EXOC1L: variants seen among roughly 807,000 people sequenced by gnomAD.
EXOC1L encodes the protein exocyst complex component 1 like.
EXOC1L carries 10 observed loss-of-function variants against 4.9 expected under a neutral mutation model. The ratio of observed to expected loss-of-function variants is 2.02; its 90% confidence interval spans 1.25 to 3.43. EXOC1L has a LOEUF of 3.43. Ranked by LOEUF, EXOC1L falls within the 30% of genes most tolerant of loss-of-function variation. The pLI is 0.00. For synonymous variants in EXOC1L, 41 were observed against 20.8 expected, an observed-to-expected ratio of 1.97 and a Z score of -2.63; for missense variants, 114 against 59.4, an observed-to-expected ratio of 1.92 and a Z score of -3.02.
rs1170763267 is a variant in EXOC1L at position 55,833,573 on chromosome 4, C to G, written c.252+2109C>G. On this transcript the variant is annotated intron_variant, in intron 2 of 2. Transcript: ENST00000636125. Reference sequence around the variant, plus strand: ...GTTCACTAATCTGTAGTTTCAGGAACTAGCCCCACAAATTAACTATTCCCA... The same window carrying G: ...GTTCACTAATCTGTAGTTTCAGGAAGTAGCCCCACAAATTAACTATTCCCA... Among the ~76,000 whole-genome samples, 4 of 151,872 alleles carry G rather than the reference C, an allele frequency of 2.6e-5. 1 individual carries two copies. The highest frequency in any genetic ancestry group is 2.6e-4 in the Admixed American group (4 of 15,220).
In EXOC1L at chr4:55,834,923, C is replaced by T. The variant is rs1720121822; in HGVS notation, c.253-2162C>T. The stretch of plus-strand genomic sequence containing the variant: ...GGTGATTTCTGAGATTTTGATGCAC[C>T]CATCACCCAAGCAGTGTAACTGTAC... On this transcript the variant is annotated intron_variant, in intron 2 of 2. Coordinates refer to ENST00000636125, the MANE Select transcript of EXOC1L (RefSeq NM_001351574.3). Among the ~76,000 whole-genome samples, 3 of 151,462 alleles carry T rather than the reference C, an allele frequency of 2.0e-5. No individual in the cohort carries two copies. The South Asian group carries it at 6.2e-4, about 32-fold the overall frequency.
At chr4:55,834,037 T>TG (rs1187742506) in intron 2 of EXOC1L, among the ~76,000 whole-genome samples, 1 of 151,892 alleles carries the variant, frequency 6.6e-6, no homozygotes, top group Non-Finnish European at 1.5e-5. Flanking sequence ...ATCAAATCCT[T>TG]GGGGGTCAGC....
intron 1 of EXOC1L, among the ~76,000 whole-genome samples, chr4:55,827,460 T>G (rs565221998): frequency 5.3e-5 from 8 of 152,198 alleles, no homozygotes; most frequent in East Asian, 1.9e-4. Context: ...AGGTTTTCTT[T>G]CTGAAGACCC....
Position 55,826,817 on chromosome 4 carries a change from A to G in EXOC1L, c.122-4517A>G, listed in dbSNP as rs115459278. On this transcript the variant is annotated intron_variant, in intron 1 of 2. Coordinates refer to ENST00000636125, the MANE Select transcript of EXOC1L (RefSeq NM_001351574.3). Reference sequence around the variant, plus strand: ...ACTTCTTTGGCTTGTGGCTAAAGACAATTCTTGGAGACTCCTTAGCTATAA... The same window carrying G: ...ACTTCTTTGGCTTGTGGCTAAAGACGATTCTTGGAGACTCCTTAGCTATAA... Among the ~76,000 whole-genome samples the G allele has an allele frequency of 3.1e-3, 472 of 152,336 alleles. 1 individual carries two copies. The highest frequency in any genetic ancestry group is 0.01 in the African/African-American group (427 of 41,570).
At position 55,830,466 on chromosome 4, in the gene EXOC1L, C is replaced by T. The variant is rs564401179; in HGVS notation, c.122-868C>T. ...CCATGTCTTTTACTTGTATCCCCTG[C>T]GGCATCTATTACAGTTCTATCATGC... On this transcript the variant is annotated intron_variant, in intron 1 of 2. Coordinates refer to ENST00000636125, the MANE Select transcript of EXOC1L (RefSeq NM_001351574.3). Among the ~76,000 whole-genome samples the T allele has an allele frequency of 4.6e-5, 7 of 152,234 alleles. No homozygotes were observed. In the East Asian group the frequency reaches 1.2e-3, roughly 25 times the overall value.
chr4:55,831,332 A>C lies in EXOC1L; in HGVS notation c.122-2A>C, dbSNP rs771367845. ...TAAACTAAGTATTTTTCTGTCCTAC[A>C]GTGACCAAAAAGGAAGAAGTAAAAA... On this transcript the variant is annotated splice_acceptor_variant, in intron 1 of 2. Transcript: ENST00000636125. LOFTEE classifies it high-confidence loss of function. The C allele has an allele frequency of 1.5e-6, 1 of 645,668 alleles. No homozygotes were observed. The highest frequency in any genetic ancestry group is 2.8e-6 in the Non-Finnish European group (1 of 361,678). The allele number at this position is 645,668 out of a possible 1,614,324, so 40.0% of individuals were successfully genotyped here.
chr4:55,828,149 C>T (rs1222719175), intron 1 of EXOC1L, among the ~76,000 whole-genome samples: 1 of 152,144 alleles, frequency 6.6e-6, no homozygotes, highest in African/African-American at 2.4e-5. Context: ...ATGTGATCTC[C>T]ATCATAGCCT....
intron 1 of EXOC1L, among the ~76,000 whole-genome samples, chr4:55,827,334 A>G (rs1013308465): frequency 2.6e-5 from 4 of 152,152 alleles, no homozygotes; most frequent in African/African-American, 9.7e-5. Flanking sequence ...ACTGCCATTT[A>G]CAACTCAGGT....
intron 1 of EXOC1L, among the ~76,000 whole-genome samples, chr4:55,821,195 A>G (rs1458351023): frequency 1.3e-5 from 2 of 152,210 alleles, no homozygotes; most frequent in Non-Finnish European, 2.9e-5. Context: ...TTTCTAATAA[A>G]TATAGTAATA....
intron 1 of EXOC1L, among the ~76,000 whole-genome samples, chr4:55,830,270 C>T (rs1487362202): frequency 6.6e-6 from 1 of 152,132 alleles, no homozygotes; most frequent in African/African-American, 2.4e-5. Context: ...GGGAGAGTCA[C>T]TCTTAGAAGA....
chr4:55,831,249 G>A, intron 1 of EXOC1L, 85 bp from the exon 2 acceptor site: 1 of 497,578 alleles, frequency 2.0e-6, no homozygotes, highest in Non-Finnish European at 3.5e-6. Context: ...ATTAAAAGGG[G>A]ATACATAAAT....
chr4:55,830,406 C>T (rs137989354), intron 1 of EXOC1L, among the ~76,000 whole-genome samples: 361 of 152,254 alleles, frequency 2.4e-3, no homozygotes, highest in Admixed American at 4.5e-3. Flanking sequence ...AGCCTTGTCT[C>T]CCCAGTGAAA....
chr4:55,826,803 T>C (rs915729828), intron 1 of EXOC1L, among the ~76,000 whole-genome samples: 3 of 152,240 alleles, frequency 2.0e-5, no homozygotes, highest in Admixed American at 1.3e-4. Context: ...CTTCTTTGGC[T>C]TGTGGCTAAA....
chr4:55,821,038 G>T lies in EXOC1L; in HGVS notation c.121+891G>T, dbSNP rs79159226. ...TTCATCGTGGACTTGCCTATCTAAG[G>T]AACACACCTATTTTCAGAAAACAAC... On this transcript the variant is annotated intron_variant, in intron 1 of 2. Coordinates refer to ENST00000636125, the MANE Select transcript of EXOC1L (RefSeq NM_001351574.3). Among the ~76,000 whole-genome samples the T allele has an allele frequency of 9.1e-3, 1,392 of 152,232 alleles. 46 individuals carry two copies. The highest frequency in any genetic ancestry group is 0.055 in the Admixed American group (848 of 15,286).
At chr4:55,829,217 T>C (rs1231979867) in intron 1 of EXOC1L, among the ~76,000 whole-genome samples, 4 of 152,180 alleles carry the variant, frequency 2.6e-5, no homozygotes, top group African/African-American at 7.2e-5. Flanking sequence ...AAACAAAACA[T>C]TTTTAACAGT....
At position 55,819,915 on chromosome 4, in the gene EXOC1L, G is replaced by C; in HGVS notation, c.-112G>C. ...GAAGTTAAGAGAGGGAGGGCTGAGAGGTGGGCAGGACTCACCAAGGAGCTG... is the reference window on the plus strand; with the variant it reads ...GAAGTTAAGAGAGGGAGGGCTGAGACGTGGGCAGGACTCACCAAGGAGCTG... On this transcript the variant is annotated 5_prime_UTR_variant, in exon 1 of 3. Transcript: ENST00000636125. 1 of 393,292 alleles carries C rather than the reference G, an allele frequency of 2.5e-6. No homozygotes were observed. The highest frequency in any genetic ancestry group is 3.6e-5 in the East Asian group (1 of 27,720). The allele number at this position is 393,292 out of a possible 1,614,324, so 24.4% of individuals were successfully genotyped here.
At chr4:55,823,990 G>A (rs531034499) in intron 1 of EXOC1L, among the ~76,000 whole-genome samples, 4 of 152,044 alleles carry the variant, frequency 2.6e-5, no homozygotes, top group African/African-American at 4.8e-5. Flanking sequence ...TATTCTCTAC[G>A]TTAAAAAATA....
intron 1 of EXOC1L, among the ~76,000 whole-genome samples, chr4:55,824,569 G>A (rs908689383): frequency 6.6e-6 from 1 of 151,844 alleles, no homozygotes; most frequent in Non-Finnish European, 1.5e-5. Context: ...TCGCTATATT[G>A]CCCAGGCTGG....
At chr4:55,821,897 A>AT (rs1434894805) in intron 1 of EXOC1L, among the ~76,000 whole-genome samples, 14 of 152,220 alleles carry the variant, frequency 9.2e-5, no homozygotes, top group Admixed American at 9.2e-4. Context: ...TTAAAAATAC[A>AT]TTTTGCTGGA....
Sources: gnomAD v4.1 joint callset for allele counts (sites outside exome capture counted in the v4.1 genomes callset) on GRCh38, gnomAD v4.1.1 for gene constraint, MANE v1.5 for transcripts, NCBI Gene and HGNC (gene_info 2026-07-23, HGNC 2026-07-21) for gene names.